Variants in CNTN4 observed in about 807,000 individuals in gnomAD.
CNTN4 encodes contactin 4.
Under a neutral mutation model 122.5 loss-of-function variants are expected in CNTN4, and 77 were observed. The observed-to-expected ratio is 0.63, with a 90% confidence interval of 0.52 to 0.76. The LOEUF is 0.76. Ranked by LOEUF, CNTN4 falls within the 30% of genes least tolerant of loss-of-function variation. The probability of loss-of-function intolerance (pLI) is 0.00; values close to 1 mark genes in which losing one functional copy is unlikely to be tolerated. For synonymous variants in CNTN4, 512 were observed against 447.0 expected (o/e 1.15, Z -1.83); for missense variants, 1,256 against 1,259.1 (o/e 1.00, Z 0.04).
chr3:2,678,012 C>T (rs2084964781), intron 4 of CNTN4, among the ~76,000 whole-genome samples: 1 of 152,030 alleles, frequency 6.6e-6, no homozygotes, highest in Non-Finnish European at 1.5e-5. Context: ...TGTTTTCCTC[C>T]CAGCAAAGCT....
chr3:2,664,319 T>G (rs1429648905), intron 4 of CNTN4, among the ~76,000 whole-genome samples: 1 of 149,926 alleles, frequency 6.7e-6, no homozygotes, highest in Non-Finnish European at 1.5e-5. Context: ...ATTTTCTTTT[T>G]TGGTCCAGAA....
chr3:2,119,508 C>G (rs1329058013), intron 2 of CNTN4, among the ~76,000 whole-genome samples: 2 of 152,158 alleles, frequency 1.3e-5, no homozygotes, highest in South Asian at 4.1e-4. Context: ...ACTGCCATCT[C>G]CAACACTATT....
chr3:2,810,917 G>A (rs2092589713), intron 6 of CNTN4, among the ~76,000 whole-genome samples: 1 of 152,000 alleles, frequency 6.6e-6, no homozygotes, highest in Non-Finnish European at 1.5e-5. Context: ...GCTGGAATCA[G>A]CACCTGGGAC....
chr3:2,738,595 C>T (rs913883982), intron 5 of CNTN4, among the ~76,000 whole-genome samples: 3 of 151,588 alleles, frequency 2.0e-5, no homozygotes, highest in Non-Finnish European at 4.4e-5. Context: ...TTGCACAGAA[C>T]AATAAAAATA....
chr3:2,778,715 A>G (rs545587622), intron 6 of CNTN4, among the ~76,000 whole-genome samples: 4 of 152,308 alleles, frequency 2.6e-5, no homozygotes, highest in African/African-American at 9.6e-5. Flanking sequence ...GAAATAACCA[A>G]TTCAGTGGGT....
intron 2 of CNTN4, among the ~76,000 whole-genome samples, chr3:2,224,091 G>A (rs756848565): frequency 1.2e-4 from 19 of 152,010 alleles, no homozygotes; most frequent in Non-Finnish European, 1.6e-4. Flanking sequence ...TTTTACTAAC[G>A]TAGATTTCTT....
intron 3 of CNTN4, among the ~76,000 whole-genome samples, chr3:2,465,064 G>T (rs192520392): frequency 1.1e-3 from 163 of 152,336 alleles, no homozygotes; most frequent in African/African-American, 3.6e-3. Context: ...TTGCACAGCA[G>T]TGTGAATGTA....
At chr3:2,376,544 A>G (rs937361579) in intron 3 of CNTN4, among the ~76,000 whole-genome samples, 1 of 152,114 alleles carries the variant, frequency 6.6e-6, no homozygotes, top group Non-Finnish European at 1.5e-5. Context: ...TGAGATGAAG[A>G]TAAGTGTTTT....
chr3:2,626,107 G>A (rs150506476), intron 4 of CNTN4, among the ~76,000 whole-genome samples: 2 of 152,240 alleles, frequency 1.3e-5, no homozygotes, highest in East Asian at 1.9e-4. Flanking sequence ...AGTTGCACAC[G>A]TATTCTCCCA....
intron 2 of CNTN4, among the ~76,000 whole-genome samples, chr3:2,248,009 G>A (rs723164): frequency 0.024 from 3,708 of 151,794 alleles, 72 homozygotes; most frequent in Non-Finnish European, 0.04. Context: ...TTCCTCCATG[G>A]CATTTATCAC....
At chr3:2,751,315 C>G (rs772203829) in intron 6 of CNTN4, among the ~76,000 whole-genome samples, 2 of 151,820 alleles carry the variant, frequency 1.3e-5, no homozygotes, top group Non-Finnish European at 2.9e-5. Context: ...GAGACTCCGT[C>G]TCAAAAAATA....
At chr3:2,938,333 T>A (rs2094583835) in intron 13 of CNTN4, among the ~76,000 whole-genome samples, 1 of 152,106 alleles carries the variant, frequency 6.6e-6, no homozygotes, top group South Asian at 2.1e-4. Context: ...CACCCAGCGC[T>A]TGTTTTTTTT....
Position 2,203,341 on chromosome 3 carries a change from A to G in CNTN4, c.-145+102702A>G, listed in dbSNP as rs2038189040. ...CACACTGTTTAAAAGATACTATGCT[A>G]GGTGTTACAGTTAGACCCTGAGAAA... On this transcript the variant is annotated intron_variant, in intron 2 of 24. Coordinates refer to ENST00000418658, the MANE Select transcript of CNTN4 (RefSeq NM_175607.3). 6.6e-5 allele frequency among the ~76,000 whole-genome samples: 10 copies of G among 152,096 alleles called. No homozygotes were observed. In the South Asian group the frequency reaches 2.1e-3, roughly 32 times the overall value.
rs778621688 is a variant in CNTN4 at position 2,854,707 on chromosome 3, T to C, written c.455-12045T>C. On this transcript the variant is annotated intron_variant, in intron 7 of 24. Coordinates refer to ENST00000418658, the MANE Select transcript of CNTN4 (RefSeq NM_175607.3). Reference sequence around the variant, plus strand: ...ATTGTTTAATAATTTGGTGAAAAGGTTGTGTGTTGTTAACTTGTGTGGGAG... The same window carrying C: ...ATTGTTTAATAATTTGGTGAAAAGGCTGTGTGTTGTTAACTTGTGTGGGAG... 1.3e-4 allele frequency among the ~76,000 whole-genome samples: 20 copies of C among 152,178 alleles called. 1 individual carries two copies. Among genetic ancestry groups the C allele is most frequent in the Non-Finnish European group, 2.1e-4 (14 of 68,028 alleles).
intron 2 of CNTN4, among the ~76,000 whole-genome samples, chr3:2,326,834 A>G (rs2043484295): frequency 6.6e-6 from 1 of 152,216 alleles, no homozygotes; most frequent in African/African-American, 2.4e-5. Flanking sequence ...TACTTTGCCC[A>G]GGGTCCTACA....
At chr3:2,110,443 G>T (rs1231476431) in intron 2 of CNTN4, 1 of 149,342 alleles carries the variant, frequency 6.7e-6, no homozygotes, top group Non-Finnish European at 1.5e-5. Context: ...GTTGTTCATT[G>T]TTTCAACATT....
At chr3:2,682,967 G>C (rs1267473659) in intron 4 of CNTN4, among the ~76,000 whole-genome samples, 2 of 152,078 alleles carry the variant, frequency 1.3e-5, no homozygotes, top group African/African-American at 4.8e-5. Flanking sequence ...CTGAAGGAGA[G>C]ACTGGGACAG....
intron 2 of CNTN4, among the ~76,000 whole-genome samples, chr3:2,137,431 G>A (rs1489837716): frequency 2.6e-5 from 4 of 152,078 alleles, no homozygotes; most frequent in African/African-American, 7.2e-5. Context: ...AACTCTGGAA[G>A]TATAGGTATT....
chr3:2,225,467 C>T (rs1203611705), intron 2 of CNTN4, among the ~76,000 whole-genome samples: 2 of 152,154 alleles, frequency 1.3e-5, no homozygotes, highest in South Asian at 2.1e-4. Context: ...GAGCCGAGAT[C>T]GTGCTGCTGC....
Sources: gnomAD v4.1 joint callset for allele counts (sites outside exome capture counted in the v4.1 genomes callset) on GRCh38, gnomAD v4.1.1 for gene constraint, MANE v1.5 for transcripts, NCBI Gene and HGNC (gene_info 2026-07-23, HGNC 2026-07-21) for gene names.